The following IKZF1 variants were observed in gnomAD, a reference collection of about 807,000 sequenced individuals.
IKZF1 encodes the protein IKAROS family zinc finger 1.
In IKZF1, 10 loss-of-function variants were observed where a neutral mutation model predicts 51.7. The ratio of observed to expected loss-of-function variants is 0.19; its 90% CI spans 0.12 to 0.33. The LOEUF (loss-of-function observed/expected upper bound fraction) is 0.33, where lower values mean the gene tolerates loss of function less well. Among genes scored for constraint, IKZF1 ranks in the 10% least tolerant of loss-of-function variants. The pLI, the probability that IKZF1 is intolerant of heterozygous loss-of-function variation, is 1.00. For synonymous variants in IKZF1, 280 were observed against 282.3 expected (o/e 0.99, Z 0.08); for missense variants, 484 against 707.5 (o/e 0.68, Z 3.58).
chr7:50,335,317 T>A (rs1277500179), intron 3 of IKZF1, among the ~76,000 whole-genome samples: 1 of 150,520 alleles, frequency 6.6e-6, no homozygotes, highest in Non-Finnish European at 1.5e-5. Flanking sequence ...GTGTGGTATG[T>A]GGTGTGTATG....
At position 50,399,938 on chromosome 7, in the gene IKZF1, A is replaced by G; in HGVS notation, c.871A>G (p.Thr291Ala). The G allele has an allele frequency of 6.2e-7, 1 of 1,612,892 alleles. No individual in the cohort carries two copies. Among genetic ancestry groups the G allele is most frequent in the South Asian group, 1.1e-5 (1 of 90,722 alleles). Residue 291 changes from threonine (T) to alanine (A), a missense_variant, in exon 8 of 8, where the codon ACG becomes GCG. By Grantham distance (58) the Thr-to-Ala change is moderately conservative. Transcript: ENST00000331340. ...KFLGDKGLSDTPYDSSASYEK... is the reference protein window; with the variant it reads ...KFLGDKGLSDAPYDSSASYEK... Reference sequence around the variant, plus strand: ...CACAGGGGACAAGGGCCTGTCCGACACGCCCTACGACAGCAGCGCCAGCTA... The same window carrying G: ...CACAGGGGACAAGGGCCTGTCCGACGCGCCCTACGACAGCAGCGCCAGCTA...
chr7:50,392,522 G>A (rs549059161), intron 7 of IKZF1, among the ~76,000 whole-genome samples: 20 of 152,296 alleles, frequency 1.3e-4, no homozygotes, highest in East Asian at 3.9e-4. Context: ...GTGGAAAGGC[G>A]CTAGGCTTGG....
chr7:50,336,472 G>T (rs1294642364), intron 3 of IKZF1, among the ~76,000 whole-genome samples: 3 of 152,174 alleles, frequency 2.0e-5, no homozygotes, highest in Non-Finnish European at 4.4e-5. Context: ...GGAATAAAGG[G>T]TGTGGTGCTG....
intron 3 of IKZF1, among the ~76,000 whole-genome samples, chr7:50,354,801 G>A (rs865936935): frequency 6.6e-5 from 10 of 152,076 alleles, no homozygotes; most frequent in African/African-American, 2.4e-4. Context: ...GATGGAGAGT[G>A]GTTAGTGCAG....
At chr7:50,303,910 C>T (rs1034167991), upstream of IKZF1, among the ~76,000 whole-genome samples, 6 of 145,114 alleles carry the variant, frequency 4.1e-5, no homozygotes, top group Non-Finnish European at 9.2e-5. The surrounding 1 kb of genome is among the most constrained non-coding windows in gnomAD (Gnocchi z 4.7). Flanking sequence ...GGTCCCGCAG[C>T]GCCGCGGCCG....
intron 6 of IKZF1, among the ~76,000 whole-genome samples, chr7:50,389,786 G>C (rs1285862853): frequency 1.3e-5 from 2 of 152,142 alleles, no homozygotes; most frequent in African/African-American, 4.8e-5. Flanking sequence ...GGCAGGCAGG[G>C]GCTTGGTCAT....
chr7:50,396,953 C>T (rs1302695125), intron 7 of IKZF1, among the ~76,000 whole-genome samples: 1 of 152,190 alleles, frequency 6.6e-6, no homozygotes, highest in Non-Finnish European at 1.5e-5. Context: ...TGCTTCTGTC[C>T]CAGGGAGCCC....
intron 3 of IKZF1, among the ~76,000 whole-genome samples, chr7:50,361,102 G>A (rs1805074628): frequency 6.6e-6 from 1 of 152,204 alleles, no homozygotes; most frequent in Non-Finnish European, 1.5e-5. Flanking sequence ...CCTGACAAGA[G>A]CCTTCCTATC....
intron 1 of IKZF1, among the ~76,000 whole-genome samples, chr7:50,315,579 ATTG>A (rs1194724467): frequency 6.6e-6 from 1 of 152,200 alleles, no homozygotes; most frequent in East Asian, 1.9e-4. Context: ...GTTTGCTGAT[ATTG>A]TTGTATTTTT....
At chr7:50,309,535 A>C (rs1171949197) in intron 1 of IKZF1, among the ~76,000 whole-genome samples, 1 of 152,090 alleles carries the variant, frequency 6.6e-6, no homozygotes, top group Non-Finnish European at 1.5e-5. Flanking sequence ...AACTGTGTAA[A>C]GTGTTTTTGA....
At chr7:50,367,918 T>TA (rs916831305) in intron 3 of IKZF1, 102 of 605,494 alleles carry the variant, frequency 1.7e-4, no homozygotes, top group Admixed American at 2.4e-4. Context: ...CGTTCTTTTT[T>TA]AAAAAAAAGT....
chr7:50,329,988 C>G (rs1239495900), intron 3 of IKZF1, among the ~76,000 whole-genome samples: 1 of 152,182 alleles, frequency 6.6e-6, no homozygotes. Context: ...TATCCTGTCC[C>G]TTACGGACGT....
rs1801819523 is a variant in IKZF1, at chr7:50,351,395, C to G, written c.160+23638C>G. On this transcript the variant is annotated intron_variant, in intron 3 of 7. Coordinates refer to ENST00000331340, the MANE Select transcript of IKZF1 (RefSeq NM_006060.6). ...TTCCCAGAAGGGGCACTGAATTCAC[C>G]CATTTCCTGTTTTTCATCTCAGAAT... Among the ~76,000 whole-genome samples, 3 of 152,078 alleles carry G rather than the reference C, an allele frequency of 2.0e-5. No individual in the cohort carries two copies. The South Asian group carries it at 6.2e-4, about 31-fold the overall frequency.
At chr7:50,316,541 T>G (rs758479390) in intron 1 of IKZF1, among the ~76,000 whole-genome samples, 3 of 152,250 alleles carry the variant, frequency 2.0e-5, no homozygotes, top group Non-Finnish European at 4.4e-5. Context: ...GTGCTCGCTG[T>G]GGTGTGATCT....
intron 7 of IKZF1, among the ~76,000 whole-genome samples, chr7:50,394,652 C>A (rs1816173173): frequency 6.6e-6 from 1 of 152,184 alleles, no homozygotes; most frequent in African/African-American, 2.4e-5. Flanking sequence ...GCTCCCAACA[C>A]TAGAAAGCAT....
At chr7:50,370,109 G>A (rs1346166453) in intron 3 of IKZF1, among the ~76,000 whole-genome samples, 2 of 152,058 alleles carry the variant, frequency 1.3e-5, no homozygotes, top group East Asian at 1.9e-4. Flanking sequence ...CTAGTCACCA[G>A]TGTTGCAAGA....
At position 50,327,647 on chromosome 7, in the gene IKZF1, G is replaced by GC. The variant is rs1795394160; in HGVS notation, c.56dup (p.Val20CysfsTer7). ...TCTTCTTTCTCATCAGGGAAGGAAAGCCCCCCTGTAAGCGATACTCCAGAT... is the reference window on the plus strand; with the variant it reads ...TCTTCTTTCTCATCAGGGAAGGAAAGCCCCCCCTGTAAGCGATACTCCAGAT... On this transcript the variant is annotated frameshift_variant, in exon 3 of 8. Transcript: ENST00000331340. LOFTEE classifies it high-confidence loss of function. The GC allele has an allele frequency of 1.2e-6, 2 of 1,612,116 alleles. No individual in the cohort carries two copies. The highest frequency in any genetic ancestry group is 1.7e-6 in the Non-Finnish European group (2 of 1,179,042).
At chr7:50,398,101 G>A (rs1174761545) in intron 7 of IKZF1, among the ~76,000 whole-genome samples, 1 of 152,210 alleles carries the variant, frequency 6.6e-6, no homozygotes, top group African/African-American at 2.4e-5. Context: ...GTAAGAACCA[G>A]CTGATGACCT....
chr7:50,314,417 T>C (rs1790977957), intron 1 of IKZF1, among the ~76,000 whole-genome samples: 1 of 152,214 alleles, frequency 6.6e-6, no homozygotes, highest in African/African-American at 2.4e-5. Flanking sequence ...GCAACTACAA[T>C]TGTTCTTAAA....
Sources: gnomAD v4.1 joint callset for allele counts (sites outside exome capture counted in the v4.1 genomes callset) on GRCh38, gnomAD v4.1.1 for gene constraint, Gnocchi (gnomAD v3.1) non-coding constraint, MANE v1.5 for transcripts, NCBI Gene and HGNC (gene_info 2026-07-23, HGNC 2026-07-21) for gene names.